The following PPM1L variants were observed in gnomAD, a reference collection of about 807,000 sequenced individuals.
PPM1L encodes the protein protein phosphatase 1L.
Under a neutral mutation model 31.4 loss-of-function variants are expected in PPM1L, and 13 were observed. The ratio of observed to expected loss-of-function variants is 0.41; its 90% confidence interval spans 0.27 to 0.66. The LOEUF is 0.66. Among genes scored for constraint, PPM1L ranks in the 30% least tolerant of loss-of-function variants. The pLI is 0.29. For synonymous variants in PPM1L, 184 were observed against 175.4 expected (o/e 1.05, Z -0.39); for missense variants, 326 against 453.7 (o/e 0.72, Z 2.56).
intron 1 of PPM1L, among the ~76,000 whole-genome samples, chr3:160,793,863 C>T (rs1432076540): frequency 6.6e-6 from 1 of 152,188 alleles, no homozygotes; most frequent in Non-Finnish European, 1.5e-5. Flanking sequence ...AAAACTTGCT[C>T]AGTTCTGATT....
intron 1 of PPM1L, among the ~76,000 whole-genome samples, chr3:160,819,588 G>A (rs778115784): frequency 1.7e-4 from 26 of 151,918 alleles, no homozygotes; most frequent in Non-Finnish European, 3.5e-4. Flanking sequence ...TTTCTAAGTG[G>A]TGTTATAGGG....
intron 1 of PPM1L, among the ~76,000 whole-genome samples, chr3:160,951,331 G>T (rs1413504205): frequency 2.6e-5 from 4 of 152,190 alleles, no homozygotes; most frequent in Admixed American, 2.6e-4. Context: ...GAGGGGCAAA[G>T]AATTCATCAT....
intron 1 of PPM1L, among the ~76,000 whole-genome samples, chr3:160,775,050 T>C (rs368436419): frequency 6.6e-6 from 1 of 152,228 alleles, no homozygotes; most frequent in East Asian, 1.9e-4. Context: ...TCATTTTGAC[T>C]GTTAAGTGTC....
At chr3:160,854,842 G>T (rs1394543191) in intron 1 of PPM1L, among the ~76,000 whole-genome samples, 1 of 56,910 alleles carries the variant, frequency 1.8e-5, no homozygotes, top group African/African-American at 6.4e-5. Context: ...ATTGTTCAAA[G>T]AATTAGAAAA....
intron 1 of PPM1L, among the ~76,000 whole-genome samples, chr3:160,862,409 G>A (rs975527895): frequency 2.0e-5 from 3 of 152,046 alleles, no homozygotes; most frequent in African/African-American, 7.3e-5. Flanking sequence ...CAAAATGAAG[G>A]TATGTTTTCT....
At chr3:161,027,561 T>A (rs1342303922) in intron 2 of PPM1L, among the ~76,000 whole-genome samples, 3 of 152,096 alleles carry the variant, frequency 2.0e-5, no homozygotes, top group African/African-American at 7.2e-5. Flanking sequence ...TCAGATCTTG[T>A]GAGACTTATT....
intron 2 of PPM1L, among the ~76,000 whole-genome samples, chr3:160,964,838 C>T (rs1333363635): frequency 6.6e-6 from 1 of 152,118 alleles, no homozygotes; most frequent in African/African-American, 2.4e-5. Flanking sequence ...CCAAAAGTTA[C>T]TACCTCCTCC....
At chr3:161,057,577 C>T (rs898474004) in intron 2 of PPM1L, among the ~76,000 whole-genome samples, 3 of 152,052 alleles carry the variant, frequency 2.0e-5, no homozygotes, top group Admixed American at 6.6e-5. Flanking sequence ...CCAACAGCTG[C>T]CTTTCGCTTG....
intron 1 of PPM1L, among the ~76,000 whole-genome samples, chr3:160,839,045 C>T (rs1713794071): frequency 6.6e-6 from 1 of 152,170 alleles, no homozygotes. Context: ...ACACTACTTG[C>T]CTTCTCACCA....
At chr3:161,050,994 G>A (rs1719256912) in intron 2 of PPM1L, among the ~76,000 whole-genome samples, 1 of 152,158 alleles carries the variant, frequency 6.6e-6, no homozygotes, top group Non-Finnish European at 1.5e-5. Context: ...TTATTCTACA[G>A]ATTGCTTCTT....
intron 2 of PPM1L, chr3:161,035,794 G>A (rs1007882864): frequency 2.0e-5 from 3 of 152,198 alleles, no homozygotes; most frequent in African/African-American, 7.2e-5. Context: ...TATTTTCAAG[G>A]ACATTCTTGG....
intron 2 of PPM1L, among the ~76,000 whole-genome samples, chr3:160,963,874 C>A (rs1463392207): frequency 6.6e-6 from 1 of 151,872 alleles, no homozygotes; most frequent in African/African-American, 2.4e-5. Context: ...GTCAATAAGC[C>A]CTGTAGCATG....
At chr3:160,978,579 C>G (rs1052381559) in intron 2 of PPM1L, among the ~76,000 whole-genome samples, 1 of 152,136 alleles carries the variant, frequency 6.6e-6, no homozygotes, top group Non-Finnish European at 1.5e-5. Flanking sequence ...CCTGTACTAC[C>G]AACACTTTGG....
intron 1 of PPM1L, among the ~76,000 whole-genome samples, chr3:160,854,496 A>T (rs528463892): frequency 5.9e-5 from 9 of 152,248 alleles, no homozygotes; most frequent in Admixed American, 3.9e-4. Context: ...CAGGCTTAGA[A>T]GTTTGGATTT....
At chr3:160,896,162 A>G (rs1489781616) in intron 1 of PPM1L, among the ~76,000 whole-genome samples, 1 of 152,160 alleles carries the variant, frequency 6.6e-6, no homozygotes, top group African/African-American at 2.4e-5. Context: ...TAGCGTTATC[A>G]ATTTCTTCCT....
chr3:161,038,746 G>T (rs569729935), intron 2 of PPM1L, among the ~76,000 whole-genome samples: 79 of 152,068 alleles, frequency 5.2e-4, no homozygotes, highest in African/African-American at 1.9e-3. Context: ...ATTTCCTTTA[G>T]TGATTCTGTC....
intron 2 of PPM1L, among the ~76,000 whole-genome samples, chr3:161,035,005 G>T (rs1042124722): frequency 2.4e-3 from 360 of 151,642 alleles, no homozygotes; most frequent in African/African-American, 8.4e-3. Flanking sequence ...AACACCACAT[G>T]TTCTCACTGA....
chr3:160,856,364 A>C (rs1263190857), intron 1 of PPM1L, among the ~76,000 whole-genome samples: 1 of 152,236 alleles, frequency 6.6e-6, no homozygotes, highest in Non-Finnish European at 1.5e-5. Context: ...TCATATGTTA[A>C]TCACAGCACT....
chr3:161,041,784 A>G (rs535458256), intron 2 of PPM1L, among the ~76,000 whole-genome samples: 113 of 151,870 alleles, frequency 7.4e-4, no homozygotes, highest in Non-Finnish European at 6.8e-4. Flanking sequence ...CACACACACA[A>G]TTTTCTTAAA....
Sources: gnomAD v4.1 joint callset for allele counts (sites outside exome capture counted in the v4.1 genomes callset) on GRCh38, gnomAD v4.1.1 for gene constraint, MANE v1.5 for transcripts, NCBI Gene and HGNC (gene_info 2026-07-23, HGNC 2026-07-21) for gene names.